PLCG2: variants seen among roughly 807,000 people sequenced by gnomAD.
The protein encoded by PLCG2 is 1-phosphatidylinositol 4,5-bisphosphate phosphodiesterase gamma-2.
Under a neutral mutation model 175.6 loss-of-function variants are expected in PLCG2, and 69 were observed. That is an observed-to-expected ratio of 0.39 (90% confidence interval 0.32 to 0.48). The LOEUF (loss-of-function observed/expected upper bound fraction) is 0.48. PLCG2 is among the 20% of genes least tolerant of loss of function. The pLI is 0.91. For missense variants in PLCG2, 1,798 were observed against 1,650.9 expected (o/e 1.09, Z -1.54); for synonymous variants, 827 against 624.0 (o/e 1.33, Z -4.85).
chr16:81,960,493 G>C lies in PLCG2; in HGVS notation c.*2495G>C, dbSNP rs1016622811. 1.7e-5 allele frequency: 4 copies of C among 231,080 alleles called. No homozygotes were observed. The highest frequency in any genetic ancestry group is 2.6e-5 in the Non-Finnish European group (3 of 116,766). The allele number at this position is 231,080 out of a possible 1,614,324, so 14.3% of individuals were successfully genotyped here. A position where few individuals can be genotyped will look rare whatever the true frequency, so the allele number is the denominator to read the frequency against. On this transcript the variant is annotated 3_prime_UTR_variant, in exon 33 of 33. Coordinates refer to ENST00000564138, the MANE Select transcript of PLCG2 (RefSeq NM_002661.5). ...ATTGGTTATTACAAGGAAAAATAAA[G>C]TGGGGAGGCTGGTTAGGCCTTGTGA...
chr16:81,912,790 A>T (rs957414667), intron 19 of PLCG2, 74 bp downstream of exon 19: 8 of 1,481,928 alleles, frequency 5.4e-6, no homozygotes, highest in South Asian at 4.2e-5. Context: ...ACAAGGGGGA[A>T]CTTCAGGTGG....
intron 2 of PLCG2, among the ~76,000 whole-genome samples, chr16:81,770,060 A>G (rs1052064151): frequency 2.0e-5 from 3 of 152,288 alleles, no homozygotes; most frequent in Admixed American, 6.5e-5. Flanking sequence ...GATTTTGGTA[A>G]GCCAAAAAGA....
chr16:81,857,712 C>T (rs1332567251), intron 3 of PLCG2, among the ~76,000 whole-genome samples: 1 of 152,128 alleles, frequency 6.6e-6, no homozygotes, highest in African/African-American at 2.4e-5. Context: ...ACCTAAATAC[C>T]TCACAAAGGC....
chr16:81,859,856 G>C (rs1906880275), intron 5 of PLCG2, among the ~76,000 whole-genome samples: 1 of 152,134 alleles, frequency 6.6e-6, no homozygotes, highest in African/African-American at 2.4e-5. Flanking sequence ...TCTAAGGGCT[G>C]GTAGAGATGT....
In PLCG2 at chr16:81,880,906, T is replaced by A; in HGVS notation, c.649-4T>A. ...CTTTTTTTTGTGTGTGCTTTCCATT[T>A]CAGATTCTCGATGAATTCAAAAAGG... On this transcript the variant is annotated splice_polypyrimidine_tract_variant and splice_region_variant and intron_variant, in intron 7 of 32. Transcript: ENST00000564138. The A allele has an allele frequency of 6.2e-7, 1 of 1,614,128 alleles. No individual in the cohort carries two copies. Among genetic ancestry groups the A allele is most frequent in the Non-Finnish European group, 8.5e-7 (1 of 1,179,926 alleles).
chr16:81,796,031 C>T (rs117044854), intron 2 of PLCG2, among the ~76,000 whole-genome samples: 1 of 152,212 alleles, frequency 6.6e-6, no homozygotes, highest in African/African-American at 2.4e-5. Context: ...GCTCTAGGTG[C>T]CCCAGTGAAG....
At chr16:81,797,207 G>A (rs1911508959) in intron 2 of PLCG2, among the ~76,000 whole-genome samples, 2 of 152,072 alleles carry the variant, frequency 1.3e-5, no homozygotes. Flanking sequence ...AGTCAGTGCA[G>A]GTCCAACGTC....
chr16:81,927,466 G>T (rs1196719063), intron 23 of PLCG2, among the ~76,000 whole-genome samples: 1 of 152,200 alleles, frequency 6.6e-6, no homozygotes, highest in African/African-American at 2.4e-5. Context: ...TGGGGAATTT[G>T]TCCTTTGCTT....
chr16:81,810,766 C>G (rs1160155419), intron 2 of PLCG2, among the ~76,000 whole-genome samples: 1 of 151,962 alleles, frequency 6.6e-6, no homozygotes, highest in African/African-American at 2.4e-5. Flanking sequence ...ATCATTTGCT[C>G]AGGGCAAAGC....
At chr16:81,807,335 AG>A (rs1248584844) in intron 2 of PLCG2, among the ~76,000 whole-genome samples, 1 of 152,102 alleles carries the variant, frequency 6.6e-6, no homozygotes, top group Non-Finnish European at 1.5e-5. Flanking sequence ...CTCTGCGAGG[AG>A]GGCACTGAGG....
intron 2 of PLCG2, among the ~76,000 whole-genome samples, chr16:81,757,474 G>T (rs1909953444): frequency 6.6e-6 from 1 of 152,158 alleles, no homozygotes; most frequent in South Asian, 2.1e-4. Flanking sequence ...TGAGGCAAGA[G>T]AATCGCTTGA....
chr16:81,859,178 GT>G lies in PLCG2; in HGVS notation c.479+22del. On this transcript the variant is annotated intron_variant, in intron 5 of 32. Transcript: ENST00000564138. Reference sequence around the variant, plus strand: ...AGAAGAAACAGGTAAGAGTCATTCAGTTTTTTTCTGATCACTTTGGATTTCG... The same window carrying G: ...AGAAGAAACAGGTAAGAGTCATTCAGTTTTTTCTGATCACTTTGGATTTCG... 1.9e-6 allele frequency: 3 copies of G among 1,552,478 alleles called. No homozygotes were observed. Among genetic ancestry groups the G allele is most frequent in the Non-Finnish European group, 2.7e-6 (3 of 1,124,156 alleles).
chr16:81,887,859 T>C (rs1908447612), intron 9 of PLCG2, among the ~76,000 whole-genome samples: 1 of 152,252 alleles, frequency 6.6e-6, no homozygotes, highest in Admixed American at 6.5e-5. Flanking sequence ...AGTTACTTAA[T>C]ATTATGCATT....
At chr16:81,791,955 C>T (rs975300704) in intron 2 of PLCG2, among the ~76,000 whole-genome samples, 2 of 152,158 alleles carry the variant, frequency 1.3e-5, no homozygotes, top group African/African-American at 4.8e-5. Context: ...ACGACAGCCT[C>T]ATAAATCCGA....
chr16:81,805,091 G>T (rs566101611), intron 2 of PLCG2, among the ~76,000 whole-genome samples: 2 of 152,286 alleles, frequency 1.3e-5, no homozygotes, highest in South Asian at 2.1e-4. Context: ...CAATCACCAT[G>T]TGCCAGAAAA....
intron 11 of PLCG2, among the ~76,000 whole-genome samples, 163 bp downstream of exon 11, chr16:81,891,753 G>C (rs1390933847): frequency 1.3e-5 from 2 of 152,142 alleles, no homozygotes; most frequent in African/African-American, 4.8e-5. Flanking sequence ...GGAAGGGGCT[G>C]GGAACACACT....
intron 30 of PLCG2, among the ~76,000 whole-genome samples, chr16:81,944,482 G>T: frequency 6.6e-6 from 1 of 152,140 alleles, no homozygotes; most frequent in East Asian, 1.9e-4. Context: ...ATTATTTAGA[G>T]ACAAGGTCTT....
chr16:81,758,254 A>C (rs1454586002), intron 2 of PLCG2, among the ~76,000 whole-genome samples: 1 of 152,174 alleles, frequency 6.6e-6, no homozygotes, highest in Non-Finnish European at 1.5e-5. Context: ...CTGGGATTAG[A>C]GGTGTGAACC....
At chr16:81,869,868 A>G (rs552078931) in intron 6 of PLCG2, among the ~76,000 whole-genome samples, 60 of 152,170 alleles carry the variant, frequency 3.9e-4, no homozygotes, top group Non-Finnish European at 7.9e-4. Flanking sequence ...TGAGGCAAGG[A>G]TGGAGACAAT....
Sources: gnomAD v4.1 joint callset for allele counts (sites outside exome capture counted in the v4.1 genomes callset) on GRCh38, gnomAD v4.1.1 for gene constraint, MANE v1.5 for transcripts, NCBI Gene and HGNC (gene_info 2026-07-23, HGNC 2026-07-21) for gene names.